MRTFB: variants seen among roughly 807,000 people sequenced by gnomAD.
MRTFB encodes myocardin-related transcription factor B.
A neutral mutation model predicts 104.2 loss-of-function variants in MRTFB; 29 were observed. That is an observed-to-expected ratio of 0.28 (90% CI 0.21 to 0.38). The LOEUF is 0.38. MRTFB is among the 10% of genes least tolerant of loss of function. The probability of loss-of-function intolerance (pLI) is 1.00; values close to 1 mark genes in which losing one functional copy is unlikely to be tolerated. For missense variants in MRTFB, 1,270 were observed against 1,341.6 expected (o/e 0.95, Z 0.83); for synonymous variants, 535 against 519.5 (o/e 1.03, Z -0.41).
intron 2 of MRTFB, among the ~76,000 whole-genome samples, chr16:14,116,415 G>T (rs1376860198): frequency 6.6e-6 from 1 of 152,052 alleles, no homozygotes; most frequent in Non-Finnish European, 1.5e-5. Flanking sequence ...ATATAATTAT[G>T]TTACTAATTC....
At chr16:14,056,810 A>G in the MRTFB span, among the ~76,000 whole-genome samples, 2 of 152,138 alleles carry the variant, frequency 1.3e-5, no homozygotes, top group Non-Finnish European at 2.9e-5. Context: ...CTGTCCACCT[A>G]TACCTATCTC....
chr16:14,078,144 C>T (rs1412572492), intron 1 of MRTFB, among the ~76,000 whole-genome samples: 2 of 152,072 alleles, frequency 1.3e-5, no homozygotes, highest in East Asian at 1.9e-4. Flanking sequence ...GTCCCCCACC[C>T]AGTCAAAAAC....
At position 14,240,271 on chromosome 16, in the gene MRTFB, G is replaced by A. The variant is rs776453451; in HGVS notation, c.866G>A (p.Arg289His). 5.0e-6 allele frequency: 8 copies of A among 1,611,080 alleles called. No individual in the cohort carries two copies. The highest frequency in any genetic ancestry group is 1.3e-5 in the African/African-American group (1 of 74,748). The part of the protein sequence containing the change: ...SHPKNPNDKH[R>H]SKKCKDPKPR... ...CCCAAGAATCCAAATGACAAACACCGTAGCAAAAAGTGCAAAGATCCCAAA... is the reference window on the plus strand; with the variant it reads ...CCCAAGAATCCAAATGACAAACACCATAGCAAAAAGTGCAAAGATCCCAAA... Residue 289 changes from arginine (R) to histidine (H), a missense_variant, in exon 10 of 17, where the codon CGT (arginine) becomes CAT (histidine). By Grantham distance (29) the Arg-to-His change is conservative. Around this residue, in one of 3 missense-constraint regions of MRTFB, gnomAD observed 1,144 missense variants for 1,131.5 expected, o/e 1.01. Coordinates refer to ENST00000571589, the MANE Select transcript of MRTFB (RefSeq NM_001308142.2).
rs139650109 is a variant in MRTFB, at chr16:14,147,845, A to C, written c.154+7085A>C. On this transcript the variant is annotated intron_variant, in intron 3 of 16. Transcript: ENST00000571589. ...GTTGAAATACCTTTGAGGCATCATA[A>C]TTAACACATTTATTAACAGTAAGAT... Among the ~76,000 whole-genome samples, 460 of 152,322 alleles carry C rather than the reference A, an allele frequency of 3.0e-3. 3 individuals are homozygous for C. Among genetic ancestry groups the C allele is most frequent in the Admixed American group, 7.8e-3 (119 of 15,292 alleles).
intron 8 of MRTFB, 31 bp from the exon 9 acceptor site, chr16:14,234,115 C>T (rs2151318711): frequency 6.3e-7 from 1 of 1,597,106 alleles, no homozygotes; most frequent in African/African-American, 1.3e-5. Flanking sequence ...ATTAATTTCA[C>T]AGACTTGTTC....
chr16:14,175,683 C>T (rs2039556878), intron 3 of MRTFB, among the ~76,000 whole-genome samples: 1 of 152,078 alleles, frequency 6.6e-6, no homozygotes, highest in African/African-American at 2.4e-5. Flanking sequence ...CAGACTTATT[C>T]ATAGTAGCTC....
chr16:14,035,297 G>A, the MRTFB span, among the ~76,000 whole-genome samples: 1 of 152,204 alleles, frequency 6.6e-6, no homozygotes, highest in African/African-American at 2.4e-5. Flanking sequence ...CAGCCAGGAG[G>A]TGGCAGGTCA....
At chr16:14,115,659 C>T (rs1390829628) in intron 2 of MRTFB, among the ~76,000 whole-genome samples, 1 of 152,152 alleles carries the variant, frequency 6.6e-6, no homozygotes, top group Non-Finnish European at 1.5e-5. Flanking sequence ...ATATTTCTGC[C>T]TTGAAATAGT....
At chr16:14,187,375 T>C (rs1384620035) in intron 3 of MRTFB, among the ~76,000 whole-genome samples, 1 of 152,200 alleles carries the variant, frequency 6.6e-6, no homozygotes, top group African/African-American at 2.4e-5. Context: ...ATTTCCTTTT[T>C]TATGTTAGTG....
At chr16:14,070,233 C>T (rs1423571781), upstream of MRTFB, among the ~76,000 whole-genome samples, 4 of 152,150 alleles carry the variant, frequency 2.6e-5, no homozygotes, top group Non-Finnish European at 4.4e-5. Context: ...GTGCTGGGCT[C>T]CGGACTCAGA....
the MRTFB span, among the ~76,000 whole-genome samples, chr16:14,033,418 A>T: frequency 6.6e-6 from 1 of 151,970 alleles, no homozygotes. Context: ...GTGGTGGCAC[A>T]TGCCTGCGGT....
chr16:14,143,342 T>G (rs1467397618), intron 3 of MRTFB: 1 of 152,104 alleles, frequency 6.6e-6, no homozygotes, highest in African/African-American at 2.4e-5. Context: ...TACGTTTTCT[T>G]CAAAAGATGT....
At chr16:14,258,691 G>A (rs2043624056) in intron 16 of MRTFB, among the ~76,000 whole-genome samples, 1 of 152,198 alleles carries the variant, frequency 6.6e-6, no homozygotes, top group Admixed American at 6.5e-5. Flanking sequence ...TCATTGTAAT[G>A]GGATGAAAAC....
intron 4 of MRTFB, among the ~76,000 whole-genome samples, chr16:14,211,639 C>G (rs889441392): frequency 6.6e-6 from 1 of 152,192 alleles, no homozygotes. Context: ...TTGGTAAGCA[C>G]TGCTTACCCT....
intron 2 of MRTFB, among the ~76,000 whole-genome samples, chr16:14,135,295 C>A (rs1371702523): frequency 6.6e-6 from 1 of 152,244 alleles, no homozygotes; most frequent in Non-Finnish European, 1.5e-5. Context: ...GACGTTTTGT[C>A]TCTTCAATAG....
chr16:14,077,226 A>G (rs1235035524), intron 1 of MRTFB, among the ~76,000 whole-genome samples: 1 of 152,156 alleles, frequency 6.6e-6, no homozygotes. Context: ...TAGTGCTTTT[A>G]TGGTTTCATT....
At chr16:14,242,751 C>A (rs2042829418) in intron 10 of MRTFB, among the ~76,000 whole-genome samples, 1 of 152,050 alleles carries the variant, frequency 6.6e-6, no homozygotes, top group Admixed American at 6.5e-5. Context: ...TCTCTTTTTT[C>A]TCCCCTCTAT....
the MRTFB span, among the ~76,000 whole-genome samples, chr16:14,006,286 C>T: frequency 4.0e-5 from 6 of 151,704 alleles, no homozygotes; most frequent in East Asian, 3.9e-4. Flanking sequence ...GAGGTTGCAG[C>T]GAGCCGAGAT....
the MRTFB span, among the ~76,000 whole-genome samples, chr16:14,053,281 A>G: frequency 1.3e-5 from 2 of 152,144 alleles, no homozygotes; most frequent in African/African-American, 4.8e-5. Context: ...ATATCCATTT[A>G]TATCATGTAT....
Sources: allele counts gnomAD v4.1 joint callset (sites outside exome capture counted in the v4.1 genomes callset), GRCh38; gene constraint gnomAD v4.1.1; regional missense constraint gnomAD v4.1.1; transcripts MANE v1.5; gene names NCBI Gene and HGNC (gene_info 2026-07-23, HGNC 2026-07-21).